Variants in KCNAB1 observed in about 807,000 individuals in gnomAD.
KCNAB1 encodes potassium voltage-gated channel subfamily A regulatory beta subunit 1, also known as voltage-gated potassium channel subunit beta-1.
KCNAB1 carries 35 observed loss-of-function variants against 64.6 expected under a neutral mutation model. That is an observed-to-expected ratio of 0.54 (90% CI 0.41 to 0.72). The LOEUF is 0.72. Ranked by LOEUF, KCNAB1 falls within the 30% of genes least tolerant of loss-of-function variation. KCNAB1 has a pLI of 0.00. For synonymous variants in KCNAB1, 177 were observed against 183.8 expected, an observed-to-expected ratio of 0.96 and a Z score of 0.30; for missense variants, 401 against 512.9, an observed-to-expected ratio of 0.78 and a Z score of 2.11.
intron 1 of KCNAB1, among the ~76,000 whole-genome samples, chr3:156,249,023 G>GT (rs1717640693): frequency 9.6e-6 from 1 of 104,104 alleles, no homozygotes; most frequent in Admixed American, 1.3e-4. Context: ...TAGAAATCTG[G>GT]TTGTGTTTTT....
chr3:156,220,305 A>T (rs1280883708), intron 1 of KCNAB1, among the ~76,000 whole-genome samples: 2 of 152,180 alleles, frequency 1.3e-5, no homozygotes, highest in African/African-American at 4.8e-5. Context: ...TGTCTTCCAC[A>T]ATGGTTGAAC....
intron 1 of KCNAB1, among the ~76,000 whole-genome samples, chr3:156,415,908 C>A (rs192683329): frequency 1.6e-4 from 24 of 152,268 alleles, no homozygotes; most frequent in Admixed American, 2.6e-4. Context: ...TCAGTCCCCA[C>A]GAGATTGCCC....
chr3:156,160,050 C>G (rs1462123898), intron 1 of KCNAB1, among the ~76,000 whole-genome samples: 2 of 152,190 alleles, frequency 1.3e-5, no homozygotes, highest in African/African-American at 4.8e-5. Flanking sequence ...GTGATGAATG[C>G]TCTCTTGATA....
intron 5 of KCNAB1, among the ~76,000 whole-genome samples, chr3:156,461,676 C>A (rs373046363): frequency 1.3e-5 from 2 of 152,208 alleles, no homozygotes; most frequent in South Asian, 4.1e-4. Flanking sequence ...GGGAAAGTAT[C>A]GGTGCAGTAG....
chr3:156,461,989 C>T (rs1712948415), intron 5 of KCNAB1, among the ~76,000 whole-genome samples: 1 of 152,172 alleles, frequency 6.6e-6, no homozygotes, highest in South Asian at 2.1e-4. Context: ...CTGTGTTATC[C>T]AGGACAAGTT....
At chr3:156,138,171 G>T (rs1471395438) in intron 1 of KCNAB1, among the ~76,000 whole-genome samples, 1 of 152,222 alleles carries the variant, frequency 6.6e-6, no homozygotes, top group Non-Finnish European at 1.5e-5. Context: ...TCTGGCAAGG[G>T]TGAAGAGAAG....
intron 1 of KCNAB1, among the ~76,000 whole-genome samples, chr3:156,282,700 G>A (rs1301693581): frequency 2.2e-5 from 3 of 136,044 alleles, no homozygotes; most frequent in African/African-American, 8.5e-5. Flanking sequence ...TTGTTGAATT[G>A]ATCCCTTTAC....
At chr3:156,447,571 C>T (rs956998042) in intron 2 of KCNAB1, among the ~76,000 whole-genome samples, 1 of 152,144 alleles carries the variant, frequency 6.6e-6, no homozygotes, top group African/African-American at 2.4e-5. Context: ...GGGAGACCAA[C>T]CTGCACTATA....
intron 1 of KCNAB1, among the ~76,000 whole-genome samples, chr3:156,210,621 A>G (rs1714952138): frequency 6.6e-6 from 1 of 152,140 alleles, no homozygotes; most frequent in Non-Finnish European, 1.5e-5. Context: ...CTAAAATGGC[A>G]CCTCACCCAT....
chr3:156,461,351 T>TCC (rs1712896125), intron 5 of KCNAB1, among the ~76,000 whole-genome samples: 1 of 152,240 alleles, frequency 6.6e-6, no homozygotes. Flanking sequence ...CTTCCAGTGG[T>TCC]TGCCAGCCAT....
chr3:156,532,974 G>A (rs754151867), intron 13 of KCNAB1, among the ~76,000 whole-genome samples: 3 of 152,216 alleles, frequency 2.0e-5, no homozygotes, highest in Non-Finnish European at 4.4e-5. Context: ...CCTTCAAAGA[G>A]CTCATGTGCT....
intron 1 of KCNAB1, among the ~76,000 whole-genome samples, chr3:156,193,552 C>T (rs1713700750): frequency 6.6e-6 from 1 of 152,068 alleles, no homozygotes; most frequent in Non-Finnish European, 1.5e-5. Context: ...CACAGTTCTA[C>T]ATGGTTGGGG....
chr3:156,375,111 A>C (rs1452666466), intron 1 of KCNAB1, among the ~76,000 whole-genome samples: 1 of 136,186 alleles, frequency 7.3e-6, no homozygotes, highest in East Asian at 1.9e-4. Context: ...AATGCCTTGC[A>C]TTAGACTGTC....
chr3:156,473,406 C>G (rs1451128559), intron 7 of KCNAB1, among the ~76,000 whole-genome samples: 2 of 152,180 alleles, frequency 1.3e-5, no homozygotes, highest in Non-Finnish European at 2.9e-5. Context: ...CTTACCTCCT[C>G]CCTGCATACA....
intron 7 of KCNAB1, among the ~76,000 whole-genome samples, chr3:156,474,238 A>G (rs2108317938): frequency 6.6e-6 from 1 of 152,278 alleles, no homozygotes; most frequent in East Asian, 1.9e-4. Context: ...TACTATTAAA[A>G]CCAACATTTA....
chr3:156,519,686 G>A (rs916504405), intron 11 of KCNAB1, among the ~76,000 whole-genome samples: 2 of 152,196 alleles, frequency 1.3e-5, no homozygotes, highest in African/African-American at 4.8e-5. Flanking sequence ...CCATGGACTT[G>A]TACATTGTCA....
chr3:156,515,260 G>T, intron 10 of KCNAB1, 40 bp downstream of exon 10: 1 of 1,561,158 alleles, frequency 6.4e-7, no homozygotes, highest in South Asian at 1.2e-5. Flanking sequence ...TTTTTAACAA[G>T]AGAAAGATCA....
At chr3:156,371,926 G>A (rs1445920394) in intron 1 of KCNAB1, among the ~76,000 whole-genome samples, 1 of 152,092 alleles carries the variant, frequency 6.6e-6, no homozygotes, top group African/African-American at 2.4e-5. Context: ...ACTGAAAATG[G>A]TTCCAAACTA....
At chr3:156,282,172 T>C (rs1299867675) in intron 1 of KCNAB1, among the ~76,000 whole-genome samples, 1 of 145,772 alleles carries the variant, frequency 6.9e-6, no homozygotes, top group African/African-American at 2.6e-5. Context: ...TGTGTCTTTG[T>C]TCTCGTTGGT....
Sources: gnomAD v4.1 joint callset for allele counts (sites outside exome capture counted in the v4.1 genomes callset) on GRCh38, gnomAD v4.1.1 for gene constraint, MANE v1.5 for transcripts, NCBI Gene and HGNC (gene_info 2026-07-23, HGNC 2026-07-21) for gene names.